DLGAP4: variants seen among roughly 807,000 people sequenced by gnomAD.
The protein encoded by DLGAP4 is DLG associated protein 4, also known as disks large-associated protein 4.
DLGAP4 carries 18 observed loss-of-function variants against 86.9 expected under a neutral mutation model. That is an observed-to-expected ratio of 0.21 (90% confidence interval 0.14 to 0.31). The LOEUF is 0.31. DLGAP4 is among the 10% of genes least tolerant of loss of function. The pLI is 1.00. For synonymous variants in DLGAP4, 548 were observed against 574.3 expected, an observed-to-expected ratio of 0.95 and a Z score of 0.65; for missense variants, 1,085 against 1,362.6, an observed-to-expected ratio of 0.80 and a Z score of 3.21.
At chr20:36,442,586 A>G in intron 5 of DLGAP4, 141 bp from the exon 6 acceptor site, 2 of 824,306 alleles carry the variant, frequency 2.4e-6, no homozygotes, top group Non-Finnish European at 4.1e-6. Flanking sequence ...GCCAAGTGAG[A>G]CCTCCTAGCA....
intron 7 of DLGAP4, among the ~76,000 whole-genome samples, chr20:36,460,985 G>GGGC (rs1312692498): frequency 6.6e-6 from 1 of 152,218 alleles, no homozygotes; most frequent in Non-Finnish European, 1.5e-5. Context: ...GATACACCTA[G>GGGC]GGCGCAGAGC....
At chr20:36,521,865 CT>C (rs1812130853) in intron 10 of DLGAP4, among the ~76,000 whole-genome samples, 1 of 152,202 alleles carries the variant, frequency 6.6e-6, no homozygotes, top group African/African-American at 2.4e-5. Context: ...TTTGCTGTTC[CT>C]GTAATATCTT....
At chr20:36,526,159 G>A (rs1057056089) in intron 12 of DLGAP4, 153 bp downstream of exon 12, 178 of 1,127,968 alleles carry the variant, frequency 1.6e-4, no homozygotes, top group Non-Finnish European at 2.1e-4. Context: ...GTCCATGCTT[G>A]GCACTTGTCT....
intron 1 of DLGAP4, among the ~76,000 whole-genome samples, chr20:36,315,493 G>T (rs1415623433): frequency 1.3e-5 from 2 of 149,168 alleles, no homozygotes; most frequent in African/African-American, 5.0e-5. Context: ...GAGGCTTGGA[G>T]CCATGAAGCA....
Position 36,432,317 on chromosome 20 carries a change from C to T in DLGAP4, c.600C>T (p.Asn200=), listed in dbSNP as rs754403466. 3.7e-5 allele frequency: 60 copies of T among 1,613,684 alleles called. No homozygotes were observed. The highest frequency in any genetic ancestry group is 1.6e-4 in the Middle Eastern group (1 of 6,084). Residue 200 remains asparagine (N), a synonymous_variant, in exon 3 of 13, where the codon AAC becomes AAT. Coordinates refer to ENST00000339266, the MANE Select transcript of DLGAP4 (RefSeq NM_001365621.2). This position sits in a 1 kb window ranked among gnomAD's most constrained non-coding sequence, Gnocchi z 6.5. ...AGCCCAAACGGCGCAGCCGCTCCAA[C>T]ATCTCAGGCTGGTGGAGCTCCGATG... ...AGEPKRRSRS[N]ISGWWSSDDN...
At chr20:36,417,744 T>A (rs1341412370) in intron 2 of DLGAP4, among the ~76,000 whole-genome samples, 2 of 146,956 alleles carry the variant, frequency 1.4e-5, no homozygotes, top group Non-Finnish European at 3.0e-5. Flanking sequence ...GGTGAAGCGA[T>A]CCCATTTGAG....
intron 7 of DLGAP4, among the ~76,000 whole-genome samples, chr20:36,476,402 A>G (rs1249464942): frequency 7.7e-6 from 1 of 129,250 alleles, no homozygotes; most frequent in Non-Finnish European, 1.5e-5. Flanking sequence ...CTCTTGGCTC[A>G]CTGCAACCTC....
At chr20:36,311,704 C>T (rs2065054952) in intron 1 of DLGAP4, among the ~76,000 whole-genome samples, 1 of 152,136 alleles carries the variant, frequency 6.6e-6, no homozygotes, top group Admixed American at 6.5e-5. Flanking sequence ...GATTATCACC[C>T]CCATTTTATG....
intron 7 of DLGAP4, among the ~76,000 whole-genome samples, chr20:36,491,773 G>A (rs76056122): frequency 0.018 from 2,692 of 152,286 alleles, 99 homozygotes; most frequent in African/African-American, 0.061. Context: ...TTGCTATATG[G>A]CCAAATAATC....
At chr20:36,485,351 CAAA>C (rs548217372) in intron 7 of DLGAP4, among the ~76,000 whole-genome samples, 9 of 75,712 alleles carry the variant, frequency 1.2e-4, no homozygotes, top group Non-Finnish European at 2.1e-4. Flanking sequence ...GACCCTGTCC[CAAA>C]AAAAAAAAAA....
intron 7 of DLGAP4, among the ~76,000 whole-genome samples, chr20:36,466,985 C>CTCTCTG (rs1225158294): frequency 1.3e-5 from 2 of 149,316 alleles, no homozygotes; most frequent in African/African-American, 2.5e-5. Context: ...CTCTCTCTCT[C>CTCTCTG]TCTCTGTCTC....
intron 2 of DLGAP4, among the ~76,000 whole-genome samples, chr20:36,368,098 C>T (rs905190976): frequency 6.6e-6 from 1 of 152,226 alleles, no homozygotes; most frequent in Non-Finnish European, 1.5e-5. Context: ...CAGCTGGCCC[C>T]GTGCCTGGCA....
At chr20:36,460,772 G>C (rs1875584611) in intron 7 of DLGAP4, among the ~76,000 whole-genome samples, 1 of 152,226 alleles carries the variant, frequency 6.6e-6, no homozygotes, top group Non-Finnish European at 1.5e-5. Flanking sequence ...AACCCGGCTC[G>C]AGCTGGTCAC....
Position 36,457,149 on chromosome 20 carries a change from G to C in DLGAP4, c.1648+10212G>C, listed in dbSNP as rs1254653703. ...AAGGGGTCCTGGGAGTGGTGGCAGAGTGCAGGGAGGGGTGCCGAGGTATAA... is the reference window on the plus strand; with the variant it reads ...AAGGGGTCCTGGGAGTGGTGGCAGACTGCAGGGAGGGGTGCCGAGGTATAA... On this transcript the variant is annotated intron_variant, in intron 7 of 12. Coordinates refer to ENST00000339266, the MANE Select transcript of DLGAP4 (RefSeq NM_001365621.2). 2.6e-5 allele frequency among the ~76,000 whole-genome samples: 4 copies of C among 152,274 alleles called. No individual in the cohort carries two copies. In the East Asian group the frequency reaches 7.7e-4, roughly 29 times the overall value.
At chr20:36,409,316 G>A (rs1057207055) in intron 2 of DLGAP4, among the ~76,000 whole-genome samples, 5 of 151,422 alleles carry the variant, frequency 3.3e-5, no homozygotes, top group African/African-American at 9.7e-5. Flanking sequence ...TGACAGCTGT[G>A]AGCCACCGTG....
chr20:36,375,200 C>CTT (rs2031105337), intron 2 of DLGAP4, among the ~76,000 whole-genome samples: 1 of 152,158 alleles, frequency 6.6e-6, no homozygotes, highest in Non-Finnish European at 1.5e-5. Flanking sequence ...TTGTCTCCTG[C>CTT]CACCCTGCAG....
At chr20:36,412,468 G>T (rs559538876) in intron 2 of DLGAP4, among the ~76,000 whole-genome samples, 4 of 152,256 alleles carry the variant, frequency 2.6e-5, no homozygotes, top group African/African-American at 9.6e-5. Context: ...TGAGAGCTGA[G>T]AAGCAGCACA....
chr20:36,519,006 A>G (rs1360647907), intron 10 of DLGAP4, among the ~76,000 whole-genome samples: 1 of 151,814 alleles, frequency 6.6e-6, no homozygotes, highest in Non-Finnish European at 1.5e-5. Context: ...AGTCCCAGCT[A>G]CTTGGGAGAC....
intron 2 of DLGAP4, among the ~76,000 whole-genome samples, chr20:36,375,191 T>C (rs1404455799): frequency 1.3e-5 from 2 of 152,138 alleles, no homozygotes; most frequent in Admixed American, 1.3e-4. Context: ...CCCTGCTCCT[T>C]GTCTCCTGCC....
Sources: allele counts gnomAD v4.1 joint callset (sites outside exome capture counted in the v4.1 genomes callset), GRCh38; gene constraint gnomAD v4.1.1; non-coding constraint Gnocchi (gnomAD v3.1); transcripts MANE v1.5; gene names NCBI Gene and HGNC (gene_info 2026-07-23, HGNC 2026-07-21).